Variants in SEPTIN7 observed in about 807,000 individuals in gnomAD.
SEPTIN7 encodes the protein septin 7.
In SEPTIN7, 10 loss-of-function variants were observed where a neutral mutation model predicts 63.3. That is an observed-to-expected ratio of 0.16 (90% confidence interval 0.10 to 0.27). SEPTIN7 has a LOEUF of 0.27. Among genes scored for constraint, SEPTIN7 ranks in the 10% least tolerant of loss-of-function variants. The pLI, the probability that SEPTIN7 is intolerant of heterozygous loss-of-function variation, is 1.00. For synonymous variants in SEPTIN7, 131 were observed against 165.3 expected (o/e 0.79, Z 1.59); for missense variants, 310 against 521.0 (o/e 0.59, Z 3.94).
chr7:35,819,388 T>G (rs1405283402), intron 1 of SEPTIN7, among the ~76,000 whole-genome samples: 1 of 152,174 alleles, frequency 6.6e-6, no homozygotes, highest in African/African-American at 2.4e-5. Flanking sequence ...CTGGAGAATA[T>G]TCCATGTGCA....
intron 4 of SEPTIN7, among the ~76,000 whole-genome samples, chr7:35,867,911 G>T (rs1785918478): frequency 6.7e-6 from 1 of 148,970 alleles, no homozygotes; most frequent in African/African-American, 2.5e-5. Flanking sequence ...TTGCTCTGTT[G>T]CCCAGGCTGG....
chr7:35,899,163 A>G (rs1420472416), intron 12 of SEPTIN7: 4 of 152,148 alleles, frequency 2.6e-5, no homozygotes, highest in South Asian at 2.1e-4. Flanking sequence ...AGAATAGTAG[A>G]AAAAAAACTA....
intron 3 of SEPTIN7, among the ~76,000 whole-genome samples, chr7:35,846,108 G>C (rs1784655176): frequency 6.6e-6 from 1 of 152,020 alleles, no homozygotes; most frequent in Admixed American, 6.5e-5. Flanking sequence ...CATCACCATT[G>C]TTAAATTTTG....
chr7:35,838,327 TCCCTCCCTCCCTCCCTCCCTCCCTC>T (rs1784216461), intron 3 of SEPTIN7, among the ~76,000 whole-genome samples: 1 of 1,368 alleles, frequency 7.3e-4, no homozygotes. Context: ...CCTCCCTCCC[TCCCTCCCTCCCTCCCTCCCTCCCTC>T]CCTCCCTCCC....
At chr7:35,838,294 T>C (rs184175508) in intron 3 of SEPTIN7, among the ~76,000 whole-genome samples, 39 of 9,820 alleles carry the variant, frequency 4.0e-3, no homozygotes, top group African/African-American at 0.012. Context: ...CCTTCCTTCC[T>C]TCCTTCCTTC....
At chr7:35,911,176 A>G (rs1788734154), downstream of SEPTIN7, among the ~76,000 whole-genome samples, 1 of 152,356 alleles carries the variant, frequency 6.6e-6, no homozygotes, top group Non-Finnish European at 1.5e-5. Context: ...AAGCAGGACA[A>G]CCAGTCACAA....
At chr7:35,880,188 T>C (rs1786749300) in intron 7 of SEPTIN7, among the ~76,000 whole-genome samples, 1 of 150,348 alleles carries the variant, frequency 6.7e-6, no homozygotes, top group Admixed American at 6.6e-5. Context: ...TATTTTCTTT[T>C]TTCTTTTCTC....
At chr7:35,870,044 GAGGATACTTGTAAAAGCAGATGAT>G (rs1786049775) in intron 4 of SEPTIN7, among the ~76,000 whole-genome samples, 1 of 152,176 alleles carries the variant, frequency 6.6e-6, no homozygotes, top group African/African-American at 2.4e-5. Context: ...TGGATCCCAT[GAGGATACTTGTAAAAGCAGATGAT>G]AGGATACAGT....
chr7:35,915,501 T>C, the SEPTIN7 span, among the ~76,000 whole-genome samples: 2 of 152,266 alleles, frequency 1.3e-5, no homozygotes, highest in African/African-American at 2.4e-5. Flanking sequence ...ACTAATGTCA[T>C]GTTACTTACC....
At chr7:35,832,949 C>A in intron 3 of SEPTIN7, 49 bp downstream of exon 3, 1 of 978,612 alleles carries the variant, frequency 1.0e-6, no homozygotes, top group Non-Finnish European at 1.7e-6. Context: ...AAGTTTTAAA[C>A]GTTAGTCAAC....
intron 1 of SEPTIN7, chr7:35,815,078 GT>G (rs1271780367): frequency 2.9e-6 from 1 of 350,116 alleles, no homozygotes; most frequent in Non-Finnish European, 5.6e-6. Context: ...TCATTGTTCA[GT>G]TGTCCATTGA....
chr7:35,850,033 C>T (rs1411665716), intron 3 of SEPTIN7, among the ~76,000 whole-genome samples: 1 of 152,176 alleles, frequency 6.6e-6, no homozygotes, highest in East Asian at 1.9e-4. Context: ...ACAACATGAA[C>T]ATAAGAATTT....
At chr7:35,874,138 A>C (rs756352440) in intron 6 of SEPTIN7, 22 of 162,976 alleles carry the variant, frequency 1.3e-4, no homozygotes, top group Non-Finnish European at 2.1e-4. Context: ...ATTCAAAATA[A>C]ATCCAAAGAT....
At chr7:35,894,599 T>G (rs1787849408) in intron 11 of SEPTIN7, among the ~76,000 whole-genome samples, 1 of 152,214 alleles carries the variant, frequency 6.6e-6, no homozygotes. Context: ...TATGTTTGGT[T>G]TTAATACTCT....
intron 3 of SEPTIN7, among the ~76,000 whole-genome samples, chr7:35,855,766 T>A (rs1785173783): frequency 6.6e-6 from 1 of 152,188 alleles, no homozygotes; most frequent in African/African-American, 2.4e-5. Flanking sequence ...TAGCCTTACA[T>A]AGGATTAGCT....
rs1258949155 is a variant in SEPTIN7 at position 35,801,088 on chromosome 7, T to G, written c.-122T>G. Reference sequence around the variant, plus strand: ...GCGAGAGCCTGTGGAGGAGTCCGCCTGCTGTAGCGTGCGTAAGCAAGGCAG... The same window carrying G: ...GCGAGAGCCTGTGGAGGAGTCCGCCGGCTGTAGCGTGCGTAAGCAAGGCAG... On this transcript the variant is annotated 5_prime_UTR_variant, in exon 1 of 14. Transcript: ENST00000350320. 4 of 691,970 alleles carry G rather than the reference T, an allele frequency of 5.8e-6. No individual in the cohort carries two copies. Among genetic ancestry groups the G allele is most frequent in the Non-Finnish European group, 8.9e-6 (4 of 449,920 alleles). The allele number at this position is 691,970 out of a possible 1,614,324, so 42.9% of individuals were successfully genotyped here. A position where few individuals can be genotyped will look rare whatever the true frequency, so the allele number is the denominator to read the frequency against.
chr7:35,908,530 G>A (rs576890163), downstream of SEPTIN7, among the ~76,000 whole-genome samples: 6 of 152,256 alleles, frequency 3.9e-5, no homozygotes, highest in South Asian at 2.1e-4. Flanking sequence ...TGGACCTGCC[G>A]AAATCGAATG....
chr7:35,814,795 G>A (rs909349216), intron 1 of SEPTIN7, among the ~76,000 whole-genome samples: 4 of 151,982 alleles, frequency 2.6e-5, no homozygotes, highest in African/African-American at 9.7e-5. Context: ...CTAACACGGT[G>A]AAACCCCGTC....
intron 10 of SEPTIN7, among the ~76,000 whole-genome samples, chr7:35,889,371 T>G (rs1471296313): frequency 6.6e-6 from 1 of 152,100 alleles, no homozygotes; most frequent in Non-Finnish European, 1.5e-5. Flanking sequence ...AAACCAGACT[T>G]AGGACTAAGG....
Sources: allele counts gnomAD v4.1 joint callset (sites outside exome capture counted in the v4.1 genomes callset), GRCh38; gene constraint gnomAD v4.1.1; transcripts MANE v1.5; gene names NCBI Gene and HGNC (gene_info 2026-07-23, HGNC 2026-07-21).